KIAA0513: variants seen among roughly 807,000 people sequenced by gnomAD.
KIAA0513 encodes uncharacterized protein KIAA0513.
In KIAA0513, 39 loss-of-function variants were observed where a neutral mutation model predicts 56.5. The ratio of observed to expected loss-of-function variants is 0.69; its 90% CI spans 0.53 to 0.90. The LOEUF is 0.90. Ranked by LOEUF, KIAA0513 falls within the 40% of genes least tolerant of loss-of-function variation. The pLI is 0.00. For missense variants in KIAA0513, 591 were observed against 535.2 expected, an observed-to-expected ratio of 1.10 and a Z score of -1.03; for synonymous variants, 268 against 215.6, an observed-to-expected ratio of 1.24 and a Z score of -2.13.
At chr16:85,069,861 C>T (rs1047658621) in intron 2 of KIAA0513, among the ~76,000 whole-genome samples, 1 of 152,110 alleles carries the variant, frequency 6.6e-6, no homozygotes, top group East Asian at 1.9e-4. Flanking sequence ...TTTCCAGTTT[C>T]ATTAACACAA....
chr16:85,040,673 C>G (rs2073093573), intron 1 of KIAA0513, among the ~76,000 whole-genome samples: 1 of 152,218 alleles, frequency 6.6e-6, no homozygotes, highest in South Asian at 2.1e-4. Context: ...TCCCTTCTCT[C>G]TGTTCAGGTT....
At chr16:85,042,230 C>G (rs1427678275) in intron 1 of KIAA0513, among the ~76,000 whole-genome samples, 1 of 152,218 alleles carries the variant, frequency 6.6e-6, no homozygotes. Context: ...TTGTCAGTCT[C>G]TACTAAAGTG....
intron 4 of KIAA0513, 53 bp downstream of exon 4, chr16:85,073,051 C>A: frequency 7.0e-7 from 1 of 1,431,168 alleles, no homozygotes; most frequent in Non-Finnish European, 9.9e-7. Context: ...CTCTTCCCTC[C>A]CTGCCTCCCT....
At chr16:85,052,622 C>A (rs1264992527) in intron 1 of KIAA0513, among the ~76,000 whole-genome samples, 1 of 152,182 alleles carries the variant, frequency 6.6e-6, no homozygotes, top group African/African-American at 2.4e-5. Flanking sequence ...ACGTGGCTAA[C>A]CACAGTACTG....
intron 1 of KIAA0513, among the ~76,000 whole-genome samples, chr16:85,034,115 A>G (rs2073003490): frequency 6.6e-6 from 1 of 152,098 alleles, no homozygotes; most frequent in South Asian, 2.1e-4. Context: ...ATGGTGGCTG[A>G]TGCCTGTAAT....
At chr16:85,038,914 G>T (rs529636572) in intron 1 of KIAA0513, among the ~76,000 whole-genome samples, 3 of 152,272 alleles carry the variant, frequency 2.0e-5, no homozygotes, top group African/African-American at 7.2e-5. Flanking sequence ...CTCAAGGGCC[G>T]CATGTGGCCA....
intron 1 of KIAA0513, among the ~76,000 whole-genome samples, chr16:85,054,098 T>G (rs2073293699): frequency 6.6e-6 from 1 of 152,026 alleles, no homozygotes. Flanking sequence ...AGGTGGAGGT[T>G]GCAGTGAGCT....
Position 85,076,017 on chromosome 16 carries a change from G to A in KIAA0513, c.574+103G>A. On this transcript the variant is annotated intron_variant, in intron 5 of 12. Transcript: ENST00000683363. The surrounding 1 kb of genome is among the most constrained non-coding windows in gnomAD (Gnocchi z 4.7). ...CATGATAAAAAGCAAAAGCTATGGGGCCTCCAGAGAACAGAGGAAGCTGAT... is the reference window on the plus strand; with the variant it reads ...CATGATAAAAAGCAAAAGCTATGGGACCTCCAGAGAACAGAGGAAGCTGAT... 1 of 845,830 alleles carries A rather than the reference G, an allele frequency of 1.2e-6. No individual in the cohort carries two copies. Among genetic ancestry groups the A allele is most frequent in the Non-Finnish European group, 2.0e-6 (1 of 497,494 alleles). 52.4% of individuals were successfully genotyped at this position (845,830 alleles called of 1,614,324 possible).
chr16:85,068,760 C>A lies in KIAA0513; in HGVS notation c.329+1360C>A, dbSNP rs139361178. On this transcript the variant is annotated intron_variant, in intron 2 of 12. Coordinates refer to ENST00000683363, the MANE Select transcript of KIAA0513 (RefSeq NM_001388359.1). ...GGGATTACAGGCGTGGGCCACCGTG[C>A]CCGGCCATCCATGCATTCTTAAACA... 3.9e-5 allele frequency among the ~76,000 whole-genome samples: 6 copies of A among 152,344 alleles called. No individual in the cohort carries two copies. The East Asian group carries it at 1.2e-3, about 29-fold the overall frequency.
In KIAA0513 at chr16:85,033,981, C is replaced by T. The variant is rs58821160; in HGVS notation, c.-173+6123C>T. 7.6e-3 allele frequency among the ~76,000 whole-genome samples: 1,158 copies of T among 152,234 alleles called. 16 individuals carry two copies. The highest frequency in any genetic ancestry group is 0.026 in the African/African-American group (1,097 of 41,536). On this transcript the variant is annotated intron_variant, in intron 1 of 12. Coordinates refer to ENST00000683363, the MANE Select transcript of KIAA0513 (RefSeq NM_001388359.1). ...TTTAATGTCCCCAATTACCATCATC[C>T]CCCTCACCCCGTGGGCCATGCTCGC...
intron 1 of KIAA0513, among the ~76,000 whole-genome samples, chr16:85,057,124 G>A (rs981434442): frequency 6.6e-5 from 10 of 152,180 alleles, no homozygotes; most frequent in African/African-American, 1.7e-4. Context: ...GTTTGTTTGC[G>A]AGTCAGCTGA....
chr16:85,032,290 T>C lies in KIAA0513; in HGVS notation c.-173+4432T>C, dbSNP rs1451648117. On this transcript the variant is annotated intron_variant, in intron 1 of 12. Coordinates refer to ENST00000683363, the MANE Select transcript of KIAA0513 (RefSeq NM_001388359.1). ...CTGTGGGTCTGCCTCTCTTCTCCTC[T>C]TAAAAGGGCACCAGTCGGATTGGAC... is the stretch of plus-strand genomic sequence containing the variant. 2.0e-5 allele frequency among the ~76,000 whole-genome samples: 3 copies of C among 152,352 alleles called. No homozygotes were observed. In the East Asian group the frequency reaches 5.8e-4, roughly 29 times the overall value.
At chr16:85,086,532 G>C in intron 10 of KIAA0513, 112 bp from the exon 11 acceptor site, 1 of 991,816 alleles carries the variant, frequency 1.0e-6, no homozygotes, top group Non-Finnish European at 1.6e-6. Flanking sequence ...TTCTGTGCCC[G>C]GTGGGGGCCG....
Position 85,036,377 on chromosome 16 carries a change from CT to C in KIAA0513, c.-173+8520del, listed in dbSNP as rs540090636. On this transcript the variant is annotated intron_variant, in intron 1 of 12. Coordinates refer to ENST00000683363, the MANE Select transcript of KIAA0513 (RefSeq NM_001388359.1). ...CCTCTGACAACCACTAATCCAGTTT[CT>C]GACTCTGTGGATTCGCCTGCTCTGG... Among the ~76,000 whole-genome samples the C allele has an allele frequency of 3.8e-3, 575 of 152,344 alleles. 4 individuals carry two copies. The highest frequency in any genetic ancestry group is 0.013 in the African/African-American group (544 of 41,562).
chr16:85,061,100 C>T (rs538602332), intron 1 of KIAA0513, among the ~76,000 whole-genome samples: 9 of 151,726 alleles, frequency 5.9e-5, no homozygotes, highest in African/African-American at 1.5e-4. Flanking sequence ...TAGTAGTGAG[C>T]CGAGATCACG....
intron 1 of KIAA0513, among the ~76,000 whole-genome samples, chr16:85,043,896 G>A (rs563220200): frequency 8.5e-5 from 13 of 152,318 alleles, no homozygotes; most frequent in African/African-American, 3.1e-4. Context: ...GCCGGGCGAG[G>A]TGGCGCATGC....
intron 1 of KIAA0513, among the ~76,000 whole-genome samples, chr16:85,035,373 C>T (rs1005638103): frequency 6.6e-6 from 1 of 152,252 alleles, no homozygotes; most frequent in Non-Finnish European, 1.5e-5. Context: ...AAGCCCTGGT[C>T]TCCACCTGGC....
At chr16:85,062,847 G>T (rs1051054587) in intron 1 of KIAA0513, among the ~76,000 whole-genome samples, 1 of 152,202 alleles carries the variant, frequency 6.6e-6, no homozygotes, top group African/African-American at 2.4e-5. Flanking sequence ...CCAAGACTGT[G>T]ACCCTGCAAT....
At chr16:85,029,287 C>G (rs1466168341) in intron 1 of KIAA0513, among the ~76,000 whole-genome samples, 2 of 152,214 alleles carry the variant, frequency 1.3e-5, no homozygotes, top group African/African-American at 4.8e-5. Context: ...ATCAGATCAT[C>G]ACTAACCTCT....
Sources: gnomAD v4.1 joint callset for allele counts (sites outside exome capture counted in the v4.1 genomes callset) on GRCh38, gnomAD v4.1.1 for gene constraint, Gnocchi (gnomAD v3.1) non-coding constraint, MANE v1.5 for transcripts, NCBI Gene and HGNC (gene_info 2026-07-23, HGNC 2026-07-21) for gene names.